MCM3AP: variants seen among roughly 807,000 people sequenced by gnomAD.
MCM3AP encodes minichromosome maintenance complex component 3 associated protein, also known as germinal-center associated nuclear protein.
Under a neutral mutation model 184.1 loss-of-function variants are expected in MCM3AP, and 126 were observed. The observed-to-expected ratio is 0.68, with a 90% CI of 0.59 to 0.79. MCM3AP has a LOEUF of 0.79. Among genes scored for constraint, MCM3AP ranks in the 30% least tolerant of loss-of-function variants. The probability of loss-of-function intolerance (pLI) is 0.00; values close to 1 mark genes in which losing one functional copy is unlikely to be tolerated. For synonymous variants in MCM3AP, 1,002 were observed against 979.3 expected, an observed-to-expected ratio of 1.02 and a Z score of -0.43; for missense variants, 2,496 against 2,479.2, an observed-to-expected ratio of 1.01 and a Z score of -0.14.
chr21:46,261,217 G>T lies in MCM3AP; in HGVS notation c.3467+63C>A, dbSNP rs2081037099. 3.1e-6 allele frequency: 5 copies of T among 1,593,222 alleles called. No individual in the cohort carries two copies. In the East Asian group the frequency reaches 1.1e-4, roughly 36 times the overall value. On this transcript the variant is annotated intron_variant, in intron 14 of 27. Transcript: ENST00000291688. ...CAATAGCAGGAGCATCGTGGCTAGG[G>T]TCAGTTCTTGCCTGTGTCCACACTG...
chr21:46,242,883 T>C lies in MCM3AP; in HGVS notation c.5345A>G (p.Asp1782Gly). ...CAAAGGAACATCATATTTTTTCAAATCGTTTTTAAAAAAATACACACATAT... is the reference window on the plus strand; with the variant it reads ...CAAAGGAACATCATATTTTTTCAAACCGTTTTTAAAAAAATACACACATAT... ...GQICVYFFKN[D>G]LKKYDVPLSW... is the part of the protein sequence containing the mutation. The change falls in exon 25 of 28, where the codon GAT becomes GGT. Residue 1782 changes from aspartate (D) to glycine (G), a missense_variant. Transcript: ENST00000291688. 3 of 1,612,986 alleles carry C rather than the reference T, an allele frequency of 1.9e-6. No individual in the cohort carries two copies. The highest frequency in any genetic ancestry group is 1.1e-5 in the South Asian group (1 of 90,958).
At chr21:46,237,522 C>A (rs1454706300) in intron 26 of MCM3AP, among the ~76,000 whole-genome samples, 1 of 56,468 alleles carries the variant, frequency 1.8e-5, no homozygotes, top group Non-Finnish European at 3.7e-5. Context: ...TCACCTCAGC[C>A]TCCCAAATAC....
In MCM3AP at chr21:46,285,249, C is replaced by T; in HGVS notation, c.38G>A (p.Ser13Asn). 1 of 1,614,166 alleles carries T rather than the reference C, an allele frequency of 6.2e-7. No homozygotes were observed. Among genetic ancestry groups the T allele is most frequent in the East Asian group, 2.2e-5 (1 of 44,894 alleles). The change falls in exon 1 of 28, where the codon AGT (serine) becomes AAT (asparagine). Residue 13 changes from serine to asparagine, a missense_variant. Ser to Asn is a conservative substitution (Grantham distance 46, BLOSUM62 1). This residue lies in a region of MCM3AP where 800 missense variants were observed against 717.1 expected (regional missense o/e 1.12). Coordinates refer to ENST00000291688, the MANE Select transcript of MCM3AP (RefSeq NM_003906.5). ...PTNPFSGQQP[S>N]AFSASSSNVG... Reference sequence around the variant, plus strand: ...ATTACTAGAAGACGCCGAAAAAGCACTAGGCTGCTGCCCACTGAAAGGATT... The same window carrying T: ...ATTACTAGAAGACGCCGAAAAAGCATTAGGCTGCTGCCCACTGAAAGGATT...
Position 46,264,206 on chromosome 21 carries a change from C to T in MCM3AP, c.3246G>A (p.Gln1082=). 1.2e-6 allele frequency: 2 copies of T among 1,612,132 alleles called. No homozygotes were observed. Among genetic ancestry groups the T allele is most frequent in the Non-Finnish European group, 1.7e-6 (2 of 1,179,102 alleles). Residue 1082 remains glutamine, a synonymous_variant, in exon 13 of 28, where the codon CAG becomes CAA. Coordinates refer to ENST00000291688, the MANE Select transcript of MCM3AP (RefSeq NM_003906.5). The part of the protein sequence containing the change: ...VPMYSDEDLA[Q]VVDELIQEAL... ...CCTCCTGGATGAGCTCGTCCACCAC[C>T]TGCGCCAGGTCCTGTGGAGAGACCA... is the stretch of plus-strand genomic sequence containing the variant.
intron 20 of MCM3AP, among the ~76,000 whole-genome samples, chr21:46,247,442 G>A (rs1480215718): frequency 4.3e-5 from 3 of 69,174 alleles, no homozygotes; most frequent in Admixed American, 1.5e-4. Context: ...CTGGATTGCA[G>A]TGGCACGATC....
intron 26 of MCM3AP, 117 bp from the exon 27 acceptor site, chr21:46,237,096 T>C (rs906971478): frequency 3.0e-5 from 12 of 405,014 alleles, no homozygotes; most frequent in African/African-American, 2.6e-4. Context: ...TAAAATTTTA[T>C]ATAATTTTTT....
chr21:46,275,249 C>T lies in MCM3AP; in HGVS notation c.1935G>A (p.Glu645=). ...GGCTACGGGTCTCCCGCATGTACCT[C>T]TCCTTCTCAGGACACATATCCAGGC... is the stretch of plus-strand genomic sequence containing the variant. ...GTCLDMCPEK[E]RYMRETRSQL... The change falls in exon 6 of 28, where the codon GAG becomes GAA. Residue 645 remains glutamate, a synonymous_variant. Transcript: ENST00000291688. 6.2e-7 allele frequency: 1 copy of T among 1,614,146 alleles called. No homozygotes were observed. The highest frequency in any genetic ancestry group is 8.5e-7 in the Non-Finnish European group (1 of 1,180,016).
In MCM3AP at chr21:46,256,850, T is replaced by G; in HGVS notation, c.3871A>C (p.Asn1291His). The change falls in exon 17 of 28, where the codon AAC (asparagine) becomes CAC (histidine). Residue 1291 changes from asparagine to histidine, a missense_variant. Physicochemically the swap from Asn to His is moderately conservative, Grantham distance 68. Coordinates refer to ENST00000291688, the MANE Select transcript of MCM3AP (RefSeq NM_003906.5). ...PSAECPIAEE[N>H]LARGLLDLGH... is the part of the protein sequence containing the mutation. ...AGGTCCAGGAGGCCCCTGGCCAGGT[T>G]CTCTTCAGCAATGGGGCACTCTGCG... 1 of 1,577,522 alleles carries G rather than the reference T, an allele frequency of 6.3e-7. No individual in the cohort carries two copies. The highest frequency in any genetic ancestry group is 8.6e-7 in the Non-Finnish European group (1 of 1,161,444).
At chr21:46,273,296 C>T (rs559271347) in intron 7 of MCM3AP, 92 bp downstream of exon 7, 1 of 1,243,630 alleles carries the variant, frequency 8.0e-7, no homozygotes, top group South Asian at 1.4e-5. Flanking sequence ...ATTTTTGTTA[C>T]AGATAAAATA....
intron 2 of MCM3AP, among the ~76,000 whole-genome samples, chr21:46,283,205 G>C (rs901598342): frequency 6.6e-6 from 1 of 152,154 alleles, no homozygotes; most frequent in African/African-American, 2.4e-5. Flanking sequence ...GACTACAAGC[G>C]TAAGCCACCA....
chr21:46,238,782 T>C (rs1428802307), intron 26 of MCM3AP, among the ~76,000 whole-genome samples: 1 of 152,216 alleles, frequency 6.6e-6, no homozygotes, highest in Non-Finnish European at 1.5e-5. Context: ...GACACATTCA[T>C]TCACCCTTCC....
At chr21:46,240,647 T>A (rs2080645151) in intron 26 of MCM3AP, among the ~76,000 whole-genome samples, 164 bp downstream of exon 26, 1 of 152,262 alleles carries the variant, frequency 6.6e-6, no homozygotes, top group Non-Finnish European at 1.5e-5. Context: ...GCACTGCTTC[T>A]GTCTTCAAAG....
intron 6 of MCM3AP, 121 bp downstream of exon 6, chr21:46,275,065 A>G: frequency 8.8e-7 from 1 of 1,136,214 alleles, no homozygotes; most frequent in Non-Finnish European, 1.2e-6. Flanking sequence ...GCTTAATATG[A>G]TTGTTAATAG....
rs774752254 is a variant in MCM3AP at position 46,285,102 on chromosome 21, G to C, written c.185C>G (p.Ser62Cys). The C allele has an allele frequency of 1.9e-6, 3 of 1,614,236 alleles. No individual in the cohort carries two copies. The Admixed American group carries it at 5.0e-5, about 27-fold the overall frequency. Residue 62 changes from serine (S) to cysteine (C), a missense_variant, in exon 1 of 28, where the codon TCT becomes TGT. Ser to Cys is a moderately radical substitution (Grantham distance 112, BLOSUM62 -1). Transcript: ENST00000291688. ...FSQVSSFPAS[S>C]GVSHSSSVQT... ...CACTGAAGAGGAATGACTTACTCCA[G>C]AAGACGCTGGAAAGCTGGATACCTG... is the stretch of plus-strand genomic sequence containing the variant.
Position 46,285,175 on chromosome 21 carries a change from GAGA to G in MCM3AP, c.109_111del (p.Ser37del), listed in dbSNP as rs556267115. The G allele has an allele frequency of 2.2e-3, 3,616 of 1,614,214 alleles. 70 individuals are homozygous for G. The highest frequency in any genetic ancestry group is 4.2e-4 in the Non-Finnish European group (493 of 1,180,028). Reference sequence around the variant, plus strand: ...GATAAGGTACTGTTTTGTCCAAAAAGAGAAGGTTGACCAAATCGAAATGGCGGC... The same window carrying G: ...GATAAGGTACTGTTTTGTCCAAAAAGAGGTTGACCAAATCGAAATGGCGGC... On this transcript the variant is annotated inframe_deletion, in exon 1 of 28. Coordinates refer to ENST00000291688, the MANE Select transcript of MCM3AP (RefSeq NM_003906.5).
intron 12 of MCM3AP, among the ~76,000 whole-genome samples, chr21:46,264,887 G>C (rs2081089455): frequency 6.6e-6 from 1 of 150,524 alleles, no homozygotes; most frequent in South Asian, 2.1e-4. Context: ...CCCAGGACAT[G>C]CCCTTCAGGG....
At position 46,273,545 on chromosome 21, in the gene MCM3AP, G is replaced by A. The variant is rs367727353; in HGVS notation, c.2039C>T (p.Ser680Leu). 2.5e-6 allele frequency: 4 copies of A among 1,613,710 alleles called. No homozygotes were observed. Among genetic ancestry groups the A allele is most frequent in the Non-Finnish European group, 2.5e-6 (3 of 1,179,872 alleles). Residue 680 changes from serine (S) to leucine (L), a missense_variant, in exon 7 of 28, where the codon TCG (serine) becomes TTG (leucine). Physicochemically the swap from Ser to Leu is moderately radical, Grantham distance 145 (BLOSUM62 -2). Transcript: ENST00000291688. The part of the protein sequence containing the change: ...AAAVKEYSRS[S>L]ADQEEPLPHE... Reference sequence around the variant, plus strand: ...GGGCAGGGGCTCCTCCTGATCCGCCGAGGACCGACTGTACTCTTTCACAGC... The same window carrying A: ...GGGCAGGGGCTCCTCCTGATCCGCCAAGGACCGACTGTACTCTTTCACAGC...
chr21:46,278,587 C>T (rs529220711), intron 4 of MCM3AP, among the ~76,000 whole-genome samples: 19 of 152,300 alleles, frequency 1.2e-4, no homozygotes, highest in Middle Eastern at 3.4e-3. Flanking sequence ...CATCACATGC[C>T]GGTTAACACA....
At chr21:46,249,573 T>C (rs770991416) in intron 20 of MCM3AP, 19 of 449,678 alleles carry the variant, frequency 4.2e-5, no homozygotes, top group South Asian at 3.0e-4. Flanking sequence ...CATTTTCTTT[T>C]TCTTTCCCCC....
Sources: allele counts gnomAD v4.1 joint callset (sites outside exome capture counted in the v4.1 genomes callset), GRCh38; gene constraint gnomAD v4.1.1; regional missense constraint gnomAD v4.1.1; transcripts MANE v1.5; gene names NCBI Gene and HGNC (gene_info 2026-07-23, HGNC 2026-07-21).